The following GPC6 variants were observed in gnomAD, a reference collection of about 807,000 sequenced individuals.
The protein encoded by GPC6 is glypican 6.
GPC6 carries 14 observed loss-of-function variants against 55.2 expected under a neutral mutation model. That is an observed-to-expected ratio of 0.25 (90% confidence interval 0.17 to 0.40). The LOEUF is 0.40. Among genes scored for constraint, GPC6 ranks in the 10% least tolerant of loss-of-function variants. The pLI, the probability that GPC6 is intolerant of heterozygous loss-of-function variation, is 1.00. For missense variants in GPC6, 641 were observed against 708.5 expected (o/e 0.90, Z 1.08); for synonymous variants, 278 against 259.6 (o/e 1.07, Z -0.68).
intron 2 of GPC6, among the ~76,000 whole-genome samples, chr13:93,825,860 CTTTTTTTT>C (rs1029574657): frequency 1.6e-5 from 2 of 124,184 alleles, no homozygotes; most frequent in African/African-American, 6.0e-5. Flanking sequence ...TTATTATTTT[CTTTTTTTT>C]TTTTTTTTTT....
chr13:93,634,551 C>G (rs1277109901), intron 2 of GPC6, among the ~76,000 whole-genome samples: 1 of 152,138 alleles, frequency 6.6e-6, no homozygotes, highest in Non-Finnish European at 1.5e-5. Context: ...CAGAATGTAT[C>G]CAGTTCCAGA....
At chr13:93,253,297 G>A (rs1729488407) in intron 1 of GPC6, among the ~76,000 whole-genome samples, 1 of 152,208 alleles carries the variant, frequency 6.6e-6, no homozygotes, top group African/African-American at 2.4e-5. Context: ...ATCTATTTAT[G>A]ATGGAGGCTT....
chr13:94,070,138 G>A (rs965191696), intron 4 of GPC6, among the ~76,000 whole-genome samples: 1 of 152,182 alleles, frequency 6.6e-6, no homozygotes, highest in Admixed American at 6.5e-5. Context: ...TGGAAGGCAA[G>A]GAGGAGCAAG....
intron 4 of GPC6, among the ~76,000 whole-genome samples, chr13:94,174,509 A>C (rs981515973): frequency 2.0e-5 from 3 of 152,150 alleles, no homozygotes; most frequent in African/African-American, 7.2e-5. Flanking sequence ...GGAAGCACAA[A>C]ATTGGTAATA....
At position 93,709,909 on chromosome 13, in the gene GPC6, ATAT is replaced by A. The variant is rs1487704303; in HGVS notation, c.320-120241_320-120239del. On this transcript the variant is annotated intron_variant, in intron 2 of 8. Transcript: ENST00000377047. Reference sequence around the variant, plus strand: ...ATATTTTTCAAATTATTAACAGAAAATATTATAAATAACAGTTCAGGACTAGGA... The same window carrying A: ...ATATTTTTCAAATTATTAACAGAAAATATAAATAACAGTTCAGGACTAGGA... Among the ~76,000 whole-genome samples, 3 of 151,936 alleles carry A rather than the reference ATAT, an allele frequency of 2.0e-5. No homozygotes were observed. In the East Asian group the frequency reaches 5.8e-4, roughly 30 times the overall value.
At chr13:93,696,273 C>T (rs1882448528) in intron 2 of GPC6, among the ~76,000 whole-genome samples, 1 of 152,124 alleles carries the variant, frequency 6.6e-6, no homozygotes, top group South Asian at 2.1e-4. Flanking sequence ...TTTCTCCTCT[C>T]AACTTCACAA....
intron 1 of GPC6, among the ~76,000 whole-genome samples, chr13:93,476,234 T>G (rs1177934271): frequency 6.6e-6 from 1 of 152,186 alleles, no homozygotes; most frequent in Non-Finnish European, 1.5e-5. Flanking sequence ...TCAGATTTTC[T>G]GCAATAGAAA....
intron 5 of GPC6, among the ~76,000 whole-genome samples, chr13:94,305,191 T>C (rs1322414548): frequency 3.3e-5 from 5 of 152,198 alleles, no homozygotes; most frequent in Non-Finnish European, 7.3e-5. Flanking sequence ...ACTGCAAACA[T>C]TGACTTAGCA....
intron 1 of GPC6, among the ~76,000 whole-genome samples, chr13:93,516,167 C>T (rs752393186): frequency 6.6e-6 from 1 of 152,054 alleles, no homozygotes; most frequent in Non-Finnish European, 1.5e-5. Flanking sequence ...GTAGCTAGCC[C>T]ATCAGTAAAA....
chr13:94,337,005 A>ATGTC (rs1877739974), intron 6 of GPC6, among the ~76,000 whole-genome samples: 1 of 152,236 alleles, frequency 6.6e-6, no homozygotes. Flanking sequence ...GGTGGGTTAA[A>ATGTC]TGTCTACCAC....
intron 1 of GPC6, among the ~76,000 whole-genome samples, chr13:93,521,118 CT>C: frequency 6.6e-6 from 1 of 151,954 alleles, no homozygotes; most frequent in Non-Finnish European, 1.5e-5. Flanking sequence ...ATAAGGAAAT[CT>C]TTTAGTGGAA....
intron 4 of GPC6, among the ~76,000 whole-genome samples, chr13:94,140,522 C>T (rs1887337188): frequency 6.6e-6 from 1 of 152,200 alleles, no homozygotes; most frequent in African/African-American, 2.4e-5. Context: ...CAAGCAATGG[C>T]TCAGTTAATC....
chr13:93,395,501 C>T (rs1413248342), intron 1 of GPC6: 1 of 180,106 alleles, frequency 5.6e-6, no homozygotes, highest in African/African-American at 2.4e-5. Flanking sequence ...AAAATCATTT[C>T]TTAGGTGGCA....
chr13:94,252,268 G>A lies in GPC6; in HGVS notation c.878-34081G>A, dbSNP rs142541924. Among the ~76,000 whole-genome samples, 294 of 152,204 alleles carry A rather than the reference G, an allele frequency of 1.9e-3. 1 individual carries two copies. Among genetic ancestry groups the A allele is most frequent in the African/African-American group, 6.2e-3 (259 of 41,548 alleles). On this transcript the variant is annotated intron_variant, in intron 4 of 8. Coordinates refer to ENST00000377047, the MANE Select transcript of GPC6 (RefSeq NM_005708.5). ...CTGCTTTTGTGAATGTGTCCTTTATGAGTTCTTTGCAAAGCCCTCCATACT... is the reference window on the plus strand; with the variant it reads ...CTGCTTTTGTGAATGTGTCCTTTATAAGTTCTTTGCAAAGCCCTCCATACT...
chr13:93,857,704 T>C (rs970962129), intron 3 of GPC6, among the ~76,000 whole-genome samples: 1 of 151,576 alleles, frequency 6.6e-6, no homozygotes, highest in Non-Finnish European at 1.5e-5. Context: ...TTTCAGCAAA[T>C]GCGTTAAAGC....
intron 4 of GPC6, among the ~76,000 whole-genome samples, chr13:94,144,404 A>AC (rs1887487766): frequency 7.0e-6 from 1 of 143,328 alleles, no homozygotes. Context: ...GTGCTTTTAA[A>AC]ACACACACAC....
At chr13:94,018,538 G>GCCT (rs1317178790) in intron 3 of GPC6, among the ~76,000 whole-genome samples, 6 of 152,176 alleles carry the variant, frequency 3.9e-5, no homozygotes, top group Non-Finnish European at 7.3e-5. Flanking sequence ...TGATCCTGCT[G>GCCT]CCTCGGCCTC....
At chr13:94,396,149 C>T (rs1182916258) in intron 7 of GPC6, among the ~76,000 whole-genome samples, 1 of 152,180 alleles carries the variant, frequency 6.6e-6, no homozygotes, top group African/African-American at 2.4e-5. Context: ...TGTGGCCAGC[C>T]CCAGGGCGCT....
chr13:93,913,711 G>A (rs1877132968), intron 3 of GPC6, among the ~76,000 whole-genome samples: 1 of 152,052 alleles, frequency 6.6e-6, no homozygotes, highest in African/African-American at 2.4e-5. Context: ...GAATGTATAA[G>A]GTAGAGTTAT....
Sources: allele counts gnomAD v4.1 joint callset (sites outside exome capture counted in the v4.1 genomes callset), GRCh38; gene constraint gnomAD v4.1.1; transcripts MANE v1.5; gene names NCBI Gene and HGNC (gene_info 2026-07-23, HGNC 2026-07-21).